Variants in HSD17B2 observed in about 807,000 individuals in gnomAD.
HSD17B2 encodes 17-beta-hydroxysteroid dehydrogenase type 2.
In HSD17B2, 32 loss-of-function variants were observed where a neutral mutation model predicts 26.9. The ratio of observed to expected loss-of-function variants is 1.19; its 90% CI spans 0.90 to 1.60. The LOEUF (loss-of-function observed/expected upper bound fraction) is 1.60. Ranked by LOEUF, HSD17B2 falls within the 40% of genes most tolerant of loss-of-function variation. The pLI, the probability that HSD17B2 is intolerant of heterozygous loss-of-function variation, is 0.00. For synonymous variants in HSD17B2, 246 were observed against 186.7 expected (o/e 1.32, Z -2.59); for missense variants, 613 against 468.6 (o/e 1.31, Z -2.85).
At chr16:82,094,436 G>C (rs1274165735) in intron 4 of HSD17B2, 1 of 152,300 alleles carries the variant, frequency 6.6e-6, no homozygotes, top group African/African-American at 2.4e-5. Flanking sequence ...TGATGGTGCT[G>C]AGTTGGGGTG....
intron 3 of HSD17B2, among the ~76,000 whole-genome samples, chr16:82,088,427 G>C (rs1354240755): frequency 6.6e-6 from 1 of 152,108 alleles, no homozygotes; most frequent in Admixed American, 6.6e-5. Flanking sequence ...AGATAAAAAG[G>C]CAGAGACCAA....
intron 3 of HSD17B2, among the ~76,000 whole-genome samples, chr16:82,087,581 T>A (rs1341971693): frequency 6.6e-6 from 1 of 152,212 alleles, no homozygotes; most frequent in East Asian, 1.9e-4. Context: ...CTTAAATGTT[T>A]GATTCAAAGC....
intron 1 of HSD17B2, among the ~76,000 whole-genome samples, chr16:82,041,793 A>C (rs1480384668): frequency 6.6e-6 from 1 of 151,958 alleles, no homozygotes; most frequent in Non-Finnish European, 1.5e-5. Flanking sequence ...TGCATTCTCT[A>C]CCCAGCAGCA....
At chr16:82,040,212 C>T (rs1213288967) in intron 1 of HSD17B2, among the ~76,000 whole-genome samples, 1 of 150,752 alleles carries the variant, frequency 6.6e-6, no homozygotes, top group African/African-American at 2.4e-5. Context: ...ATCATCCCTT[C>T]TTGCAATTAC....
At chr16:82,054,432 C>T (rs549792567) in intron 1 of HSD17B2, among the ~76,000 whole-genome samples, 1 of 152,158 alleles carries the variant, frequency 6.6e-6, no homozygotes, top group Admixed American at 6.5e-5. Context: ...GCAACTTCCA[C>T]CTCCCAGGTT....
chr16:82,046,460 C>T (rs780926910), intron 1 of HSD17B2, among the ~76,000 whole-genome samples: 29 of 152,262 alleles, frequency 1.9e-4, no homozygotes, highest in African/African-American at 3.4e-4. Context: ...CGGTGGCTCA[C>T]GCCTGTAATC....
At chr16:82,072,749 G>C (rs1914725638) in intron 3 of HSD17B2, among the ~76,000 whole-genome samples, 1 of 152,088 alleles carries the variant, frequency 6.6e-6, no homozygotes, top group African/African-American at 2.4e-5. Flanking sequence ...TTAATGAATG[G>C]GTAAGTGAAA....
chr16:82,066,227 G>A (rs2143973580), intron 1 of HSD17B2, among the ~76,000 whole-genome samples: 1 of 152,318 alleles, frequency 6.6e-6, no homozygotes, highest in East Asian at 1.9e-4. Context: ...CCCCAGGGAG[G>A]AAACCACTTA....
intron 1 of HSD17B2, among the ~76,000 whole-genome samples, chr16:82,043,511 C>A (rs1184757622): frequency 7.0e-6 from 1 of 142,832 alleles, no homozygotes; most frequent in Non-Finnish European, 1.5e-5. Context: ...GGTGAAACCC[C>A]GCCTCTACTA....
intron 1 of HSD17B2, among the ~76,000 whole-genome samples, chr16:82,037,238 A>T (rs756665795): frequency 3.3e-5 from 5 of 152,222 alleles, no homozygotes; most frequent in Non-Finnish European, 7.3e-5. Context: ...TTTAAGGATG[A>T]CTGAAATGTC....
chr16:82,074,727 A>G (rs1262088873), intron 3 of HSD17B2, among the ~76,000 whole-genome samples: 3 of 152,240 alleles, frequency 2.0e-5, no homozygotes, highest in African/African-American at 7.2e-5. Flanking sequence ...CTAAACAGAG[A>G]GATAGACCTC....
intron 1 of HSD17B2, among the ~76,000 whole-genome samples, chr16:82,057,724 T>C (rs577891308): frequency 6.6e-6 from 1 of 152,330 alleles, no homozygotes; most frequent in African/African-American, 2.4e-5. Flanking sequence ...TGTGATCTTC[T>C]TCCCCCAAAC....
intron 1 of HSD17B2, among the ~76,000 whole-genome samples, chr16:82,055,779 A>C (rs1445400254): frequency 2.6e-5 from 4 of 152,216 alleles, no homozygotes; most frequent in Non-Finnish European, 4.4e-5. Context: ...TCAACCGGAA[A>C]ACCATGCAAT....
intron 1 of HSD17B2, among the ~76,000 whole-genome samples, chr16:82,050,246 A>G (rs1412082006): frequency 6.6e-6 from 1 of 151,918 alleles, no homozygotes; most frequent in Non-Finnish European, 1.5e-5. Flanking sequence ...AGGGTTCCCC[A>G]TCTTGGTGAG....
At chr16:82,046,702 CTT>C (rs1913940761) in intron 1 of HSD17B2, among the ~76,000 whole-genome samples, 1 of 151,950 alleles carries the variant, frequency 6.6e-6, no homozygotes, top group South Asian at 2.1e-4. Context: ...TCATGAAAAT[CTT>C]TAAGTGTACA....
At chr16:82,067,855 T>G (rs1279907743) in intron 1 of HSD17B2, among the ~76,000 whole-genome samples, 2 of 152,244 alleles carry the variant, frequency 1.3e-5, no homozygotes, top group African/African-American at 4.8e-5. Context: ...ATTGGATGCC[T>G]TGGTTTTCCT....
chr16:82,071,225 G>T, intron 3 of HSD17B2, 98 bp downstream of exon 3: 1 of 1,170,836 alleles, frequency 8.5e-7, no homozygotes, highest in South Asian at 1.2e-5. Context: ...GCATGCAAAG[G>T]CAGGGTTGGG....
intron 3 of HSD17B2, among the ~76,000 whole-genome samples, chr16:82,074,651 A>C (rs1914771424): frequency 6.6e-6 from 1 of 152,224 alleles, no homozygotes; most frequent in Non-Finnish European, 1.5e-5. Context: ...TGAGGATATA[A>C]CCATTGTAAA....
At chr16:82,083,698 C>T (rs985347208) in intron 3 of HSD17B2, among the ~76,000 whole-genome samples, 2 of 152,182 alleles carry the variant, frequency 1.3e-5, no homozygotes, top group Non-Finnish European at 2.9e-5. Flanking sequence ...CCACCTCTGA[C>T]TGTGACACCG....
Sources: allele counts gnomAD v4.1 joint callset (sites outside exome capture counted in the v4.1 genomes callset), GRCh38; gene constraint gnomAD v4.1.1; transcripts MANE v1.5; gene names NCBI Gene and HGNC (gene_info 2026-07-23, HGNC 2026-07-21).